The following RAPGEF5 variants were observed in gnomAD, a reference collection of about 807,000 sequenced individuals.
The protein encoded by RAPGEF5 is M-Ras-regulated GEF.
A neutral mutation model predicts 125.2 loss-of-function variants in RAPGEF5; 65 were observed. That is an observed-to-expected ratio of 0.52 (90% confidence interval 0.43 to 0.64). The LOEUF (loss-of-function observed/expected upper bound fraction) is 0.64. Ranked by LOEUF, RAPGEF5 falls within the 30% of genes least tolerant of loss-of-function variation. RAPGEF5 has a pLI of 0.00. For missense variants in RAPGEF5, 958 were observed against 1,048.1 expected, an observed-to-expected ratio of 0.91 and a Z score of 1.19; for synonymous variants, 391 against 385.9, an observed-to-expected ratio of 1.01 and a Z score of -0.16.
chr7:22,316,715 C>G (rs1165126361), intron 2 of RAPGEF5, among the ~76,000 whole-genome samples: 1 of 150,966 alleles, frequency 6.6e-6, no homozygotes, highest in Non-Finnish European at 1.5e-5. Context: ...TCAGGCTGGT[C>G]TTGAACTCCT....
chr7:22,127,100 G>A (rs1016504721), intron 24 of RAPGEF5, among the ~76,000 whole-genome samples: 1 of 146,846 alleles, frequency 6.8e-6, no homozygotes, highest in African/African-American at 2.5e-5. Flanking sequence ...GTGCAATGGC[G>A]TGATCTCGGC....
chr7:22,267,013 C>T lies in RAPGEF5; in HGVS notation c.748-1G>A. ...TAACAGCTGCTAGCTCTCTCTGCAC[C>T]TAATAAAATATTAGGGGGGAAAATC... On this transcript the variant is annotated splice_acceptor_variant, in intron 6 of 25. Coordinates refer to ENST00000665637, the MANE Select transcript of RAPGEF5 (RefSeq NM_012294.5). LOFTEE classifies it high-confidence loss of function. 1 of 1,606,376 alleles carries T rather than the reference C, an allele frequency of 6.2e-7. No homozygotes were observed. Among genetic ancestry groups the T allele is most frequent in the Non-Finnish European group, 8.5e-7 (1 of 1,174,408 alleles).
chr7:22,208,940 T>C (rs1022710986), intron 9 of RAPGEF5, among the ~76,000 whole-genome samples: 5 of 152,212 alleles, frequency 3.3e-5, no homozygotes. Flanking sequence ...CAGCTGCAGA[T>C]GCTGAAGGTA....
At chr7:22,165,295 A>G (rs1343112468) in intron 12 of RAPGEF5, among the ~76,000 whole-genome samples, 1 of 152,216 alleles carries the variant, frequency 6.6e-6, no homozygotes, top group Non-Finnish European at 1.5e-5. Context: ...AATCACAAAT[A>G]ATATTAGGAT....
intron 1 of RAPGEF5, among the ~76,000 whole-genome samples, chr7:22,322,376 G>A (rs139720291): frequency 6.6e-6 from 1 of 151,696 alleles, no homozygotes; most frequent in Non-Finnish European, 1.5e-5. Flanking sequence ...CAAACTCCTG[G>A]GCTCAAGCAA....
rs750998865 is a variant in RAPGEF5, at chr7:22,158,958, C to A, written c.1527-1073G>T. ...AAGAATCATTTCTTAATATCATTTT[C>A]TTATTTTACTTTATTATTTACCATT... On this transcript the variant is annotated intron_variant, in intron 14 of 25. Transcript: ENST00000665637. Among the ~76,000 whole-genome samples the A allele has an allele frequency of 9.2e-5, 14 of 152,128 alleles. 1 individual carries two copies. The highest frequency in any genetic ancestry group is 1.8e-4 in the Non-Finnish European group (12 of 67,990).
intron 9 of RAPGEF5, among the ~76,000 whole-genome samples, chr7:22,202,681 T>C (rs1423243462): frequency 6.6e-6 from 1 of 152,200 alleles, no homozygotes; most frequent in Non-Finnish European, 1.5e-5. Flanking sequence ...TAACCAATTC[T>C]GAATAGCATA....
chr7:22,136,729 C>A (rs1783089802), intron 22 of RAPGEF5, among the ~76,000 whole-genome samples: 1 of 152,102 alleles, frequency 6.6e-6, no homozygotes, highest in South Asian at 2.1e-4. Flanking sequence ...ATTATTTTCA[C>A]TACGTTTTTA....
chr7:22,127,040 CT>C (rs11460551), intron 24 of RAPGEF5, among the ~76,000 whole-genome samples: 80 of 132,816 alleles, frequency 6.0e-4, no homozygotes, highest in Admixed American at 6.9e-4. Context: ...CAAAAGTCTT[CT>C]TTTTTTTTTT....
At chr7:22,204,872 A>T (rs937704865) in intron 9 of RAPGEF5, among the ~76,000 whole-genome samples, 3 of 152,236 alleles carry the variant, frequency 2.0e-5, no homozygotes, top group African/African-American at 7.2e-5. Context: ...AAAGTAAACA[A>T]AAAACCAGAA....
intron 7 of RAPGEF5, among the ~76,000 whole-genome samples, chr7:22,235,281 G>A (rs559460336): frequency 6.6e-6 from 1 of 152,276 alleles, no homozygotes; most frequent in Non-Finnish European, 1.5e-5. Context: ...GAAATGCTGG[G>A]CAGATAAAAT....
chr7:22,314,924 C>G (rs1783557277), intron 3 of RAPGEF5, among the ~76,000 whole-genome samples: 1 of 152,154 alleles, frequency 6.6e-6, no homozygotes, highest in African/African-American at 2.4e-5. Context: ...GCCAACCTGT[C>G]TCTCCCTGCT....
Position 22,160,518 on chromosome 7 carries a change from T to C in RAPGEF5, c.1526A>G (p.His509Arg). The C allele has an allele frequency of 6.5e-7, 1 of 1,540,004 alleles. No homozygotes were observed. The highest frequency in any genetic ancestry group is 8.7e-7 in the Non-Finnish European group (1 of 1,143,554). The change falls in exon 14 of 26, where the codon CAC (histidine) becomes CGC (arginine). Residue 509 changes from histidine (H) to arginine (R), a missense_variant and splice_region_variant. Coordinates refer to ENST00000665637, the MANE Select transcript of RAPGEF5 (RefSeq NM_012294.5). ...ATAATTAGGAAAATGAAATACTTAC[T>C]GACGACGGTGCATTCCAAGTATCTT... ...FQKILGMHRRHTVDEYSPQKK... is the reference protein window; with the variant it reads ...FQKILGMHRRRTVDEYSPQKK...
At position 22,157,876 on chromosome 7, in the gene RAPGEF5, A is replaced by G; in HGVS notation, c.1536T>C (p.Asp512=). Residue 512 remains aspartate (D), a synonymous_variant, in exon 15 of 26, where the codon GAT becomes GAC. Coordinates refer to ENST00000665637, the MANE Select transcript of RAPGEF5 (RefSeq NM_012294.5). ...ILGMHRRHTV[D]EYSPQKKNKA... ...TTACCTTTTTTTGTGGTGAATATTCATCTACAGTGCTGAAAGGAAAAATGG... is the reference window on the plus strand; with the variant it reads ...TTACCTTTTTTTGTGGTGAATATTCGTCTACAGTGCTGAAAGGAAAAATGG... 1.2e-6 allele frequency: 2 copies of G among 1,612,154 alleles called. No individual in the cohort carries two copies. Among genetic ancestry groups the G allele is most frequent in the Non-Finnish European group, 1.7e-6 (2 of 1,178,252 alleles).
At chr7:22,169,509 G>A (rs1441611744) in intron 11 of RAPGEF5, among the ~76,000 whole-genome samples, 3 of 152,066 alleles carry the variant, frequency 2.0e-5, no homozygotes, top group African/African-American at 7.3e-5. Flanking sequence ...ACATTTCTCT[G>A]TGTTAAATGT....
chr7:22,286,021 C>G (rs1782787742), intron 6 of RAPGEF5, among the ~76,000 whole-genome samples: 1 of 152,192 alleles, frequency 6.6e-6, no homozygotes, highest in South Asian at 2.1e-4. Context: ...CCAAGAGTAT[C>G]AAGTGTTTTT....
chr7:22,305,213 C>T (rs1369580049), intron 5 of RAPGEF5, among the ~76,000 whole-genome samples: 1 of 152,134 alleles, frequency 6.6e-6, no homozygotes, highest in African/African-American at 2.4e-5. Context: ...ATAATAGTAC[C>T]TGTCTTATAA....
At chr7:22,238,491 G>C (rs73683334) in intron 7 of RAPGEF5, among the ~76,000 whole-genome samples, 6,543 of 152,204 alleles carry the variant, frequency 0.043, 471 homozygotes, top group African/African-American at 0.15. Flanking sequence ...TTTCAGAAAT[G>C]TCACTACTCA....
Position 22,272,976 on chromosome 7 carries a change from T to A in RAPGEF5, c.748-5964A>T, listed in dbSNP as rs10238496. Among the ~76,000 whole-genome samples the A allele has an allele frequency of 5.4e-3, 818 of 151,796 alleles. 7 individuals are homozygous for A. Among genetic ancestry groups the A allele is most frequent in the African/African-American group, 0.019 (772 of 41,372 alleles). On this transcript the variant is annotated intron_variant, in intron 6 of 25. Coordinates refer to ENST00000665637, the MANE Select transcript of RAPGEF5 (RefSeq NM_012294.5). Reference sequence around the variant, plus strand: ...GGTTTCACCATGTTGTCCAGGCTGATCTTGAACCCCTGACCTCAAGTGATC... The same window carrying A: ...GGTTTCACCATGTTGTCCAGGCTGAACTTGAACCCCTGACCTCAAGTGATC...
Sources: gnomAD v4.1 joint callset for allele counts (sites outside exome capture counted in the v4.1 genomes callset) on GRCh38, gnomAD v4.1.1 for gene constraint, MANE v1.5 for transcripts, NCBI Gene and HGNC (gene_info 2026-07-23, HGNC 2026-07-21) for gene names.